The following CC2D2A variants were observed in gnomAD, a reference collection of about 807,000 sequenced individuals.
The protein encoded by CC2D2A is coiled-coil and C2 domain-containing protein 2A.
A neutral mutation model predicts 212.9 loss-of-function variants in CC2D2A; 155 were observed. The observed-to-expected ratio is 0.73, with a 90% CI of 0.64 to 0.83. The LOEUF is 0.83. Ranked by LOEUF, CC2D2A falls within the 40% of genes least tolerant of loss-of-function variation. The pLI, the probability that CC2D2A is intolerant of heterozygous loss-of-function variation, is 0.00. For synonymous variants in CC2D2A, 667 were observed against 686.5 expected (o/e 0.97, Z 0.44); for missense variants, 1,856 against 1,956.2 (o/e 0.95, Z 0.97).
At chr4:15,533,494 A>G in intron 14 of CC2D2A, 161 bp downstream of exon 14, 1 of 481,178 alleles carries the variant, frequency 2.1e-6, no homozygotes, top group Non-Finnish European at 3.7e-6. Context: ...CCCCTCCCAA[A>G]TAACATTCTC....
chr4:15,553,366 G>A, intron 19 of CC2D2A, 61 bp downstream of exon 19: 1 of 1,547,800 alleles, frequency 6.5e-7, no homozygotes, highest in Non-Finnish European at 8.8e-7. Flanking sequence ...AGATACCCAA[G>A]GGGAAAGAAA....
intron 4 of CC2D2A, among the ~76,000 whole-genome samples, chr4:15,498,822 A>G (rs1385263569): frequency 1.3e-5 from 2 of 152,222 alleles, no homozygotes; most frequent in Admixed American, 6.5e-5. Context: ...TGAAGATTAC[A>G]TTTATCTTGT....
chr4:15,515,270 C>T (rs1304130195), intron 9 of CC2D2A, among the ~76,000 whole-genome samples: 2 of 152,206 alleles, frequency 1.3e-5, no homozygotes, highest in Admixed American at 6.5e-5. Context: ...CCTATCACTC[C>T]CACTATGATT....
intron 17 of CC2D2A, among the ~76,000 whole-genome samples, chr4:15,548,415 C>G (rs1280040607): frequency 3.3e-5 from 5 of 152,090 alleles, no homozygotes. Context: ...TGGTGACCAG[C>G]ACAGGGAACA....
At chr4:15,480,853 A>T (rs10000250) in intron 4 of CC2D2A, 26 bp downstream of exon 4, 1 of 1,602,442 alleles carries the variant, frequency 6.2e-7, no homozygotes, top group Non-Finnish European at 8.5e-7. Context: ...CCATTCAGCT[A>T]CTGCTTGTTA....
Position 15,599,686 on chromosome 4 carries a change from A to G in CC2D2A, c.4654A>G (p.Lys1552Glu). Reference sequence around the variant, plus strand: ...AGATGACCACAGAGCAGAACTGCTAAAACAGCTGGGAGACTACAGGGTAAG... The same window carrying G: ...AGATGACCACAGAGCAGAACTGCTAGAACAGCTGGGAGACTACAGGGTAAG... The part of the protein sequence containing the change: ...VEDDHRAELL[K>E]QLGDYRFSGF... Residue 1552 changes from lysine to glutamate, a missense_variant, in exon 36 of 37, where the codon AAA becomes GAA. By Grantham distance (56) the Lys-to-Glu change is moderately conservative (BLOSUM62 1). This residue lies in a region of CC2D2A where 285 missense variants were observed against 278.4 expected (regional missense o/e 1.02). Transcript: ENST00000424120. The G allele has an allele frequency of 1.2e-6, 2 of 1,611,518 alleles. No individual in the cohort carries two copies. Among genetic ancestry groups the G allele is most frequent in the Middle Eastern group, 1.7e-4 (1 of 6,044 alleles).
chr4:15,508,979 AG>A (rs1716411469), intron 6 of CC2D2A, among the ~76,000 whole-genome samples: 1 of 152,184 alleles, frequency 6.6e-6, no homozygotes. Context: ...GGGTTTTAAA[AG>A]GGGTGGATTA....
intron 13 of CC2D2A, among the ~76,000 whole-genome samples, chr4:15,531,007 AG>A (rs1392029481): frequency 3.3e-5 from 5 of 152,222 alleles, no homozygotes; most frequent in African/African-American, 1.2e-4. Flanking sequence ...ACCTCTCTGT[AG>A]GGTCTTTGCC....
chr4:15,479,501 A>G (rs917743183), intron 3 of CC2D2A, among the ~76,000 whole-genome samples: 1 of 152,102 alleles, frequency 6.6e-6, no homozygotes, highest in Non-Finnish European at 1.5e-5. Flanking sequence ...GCCAGGAGAG[A>G]TGAAGAGGTC....
At chr4:15,550,291 A>C (rs1272947797) in intron 17 of CC2D2A, among the ~76,000 whole-genome samples, 2 of 152,196 alleles carry the variant, frequency 1.3e-5, no homozygotes, top group Admixed American at 6.5e-5. Flanking sequence ...AAAAATCTGG[A>C]GTTTCAGCAG....
At chr4:15,516,107 T>C in intron 10 of CC2D2A, 103 bp downstream of exon 10, 1 of 1,214,464 alleles carries the variant, frequency 8.2e-7, no homozygotes, top group Non-Finnish European at 1.1e-6. Flanking sequence ...TCATTTCCTC[T>C]TGAGGTTATC....
chr4:15,534,340 A>G (rs1335736005), intron 14 of CC2D2A, among the ~76,000 whole-genome samples: 1 of 152,172 alleles, frequency 6.6e-6, no homozygotes, highest in East Asian at 1.9e-4. Context: ...GATAAAATAC[A>G]TTAGTTTTTT....
chr4:15,533,486 C>A, intron 14 of CC2D2A, 153 bp downstream of exon 14: 1 of 498,134 alleles, frequency 2.0e-6, no homozygotes, highest in Non-Finnish European at 3.5e-6. Context: ...CTGAGCAGCC[C>A]CTCCCAAATA....
intron 17 of CC2D2A, among the ~76,000 whole-genome samples, chr4:15,546,030 A>T (rs191428504): frequency 6.6e-6 from 1 of 152,040 alleles, no homozygotes; most frequent in Non-Finnish European, 1.5e-5. Context: ...GGATTGCTTA[A>T]GCCTGGGAGT....
intron 26 of CC2D2A, 64 bp downstream of exon 26, chr4:15,567,850 T>C: frequency 8.2e-7 from 1 of 1,222,892 alleles, no homozygotes; most frequent in South Asian, 1.5e-5. Flanking sequence ...GAAAGCAGGC[T>C]CATGAGAAAC....
intron 16 of CC2D2A, 149 bp downstream of exon 16, chr4:15,538,286 G>C: frequency 1.1e-6 from 1 of 909,840 alleles, no homozygotes; most frequent in Middle Eastern, 3.5e-4. Flanking sequence ...ATGAATATTA[G>C]GTTGAACCAC....
chr4:15,488,910 T>C (rs1193347906), intron 4 of CC2D2A, among the ~76,000 whole-genome samples: 2 of 152,232 alleles, frequency 1.3e-5, no homozygotes, highest in Admixed American at 6.5e-5. Context: ...TATATAGTCA[T>C]GACATCCCAA....
chr4:15,560,698 T>G, intron 23 of CC2D2A, 76 bp downstream of exon 23: 1 of 668,684 alleles, frequency 1.5e-6, no homozygotes, highest in Admixed American at 3.4e-5. Context: ...AAAGGTATCA[T>G]ATAAGATTTT....
intron 4 of CC2D2A, among the ~76,000 whole-genome samples, chr4:15,485,963 T>G (rs1219882350): frequency 6.6e-6 from 1 of 152,220 alleles, no homozygotes; most frequent in Non-Finnish European, 1.5e-5. Flanking sequence ...GATGTATTAC[T>G]TTATTGATTT....
Sources: allele counts gnomAD v4.1 joint callset (sites outside exome capture counted in the v4.1 genomes callset), GRCh38; gene constraint gnomAD v4.1.1; regional missense constraint gnomAD v4.1.1; transcripts MANE v1.5; gene names NCBI Gene and HGNC (gene_info 2026-07-23, HGNC 2026-07-21).